The following KCNH8 variants were observed in gnomAD, a reference collection of about 807,000 sequenced individuals.
KCNH8 encodes the protein potassium voltage-gated channel subfamily H member 8, also known as voltage-gated delayed rectifier potassium channel KCNH8.
In KCNH8, 70 loss-of-function variants were observed where a neutral mutation model predicts 103.6. The observed-to-expected ratio is 0.68, with a 90% CI of 0.56 to 0.82. The LOEUF (loss-of-function observed/expected upper bound fraction) is 0.82. Among genes scored for constraint, KCNH8 ranks in the 40% least tolerant of loss-of-function variants. The probability of loss-of-function intolerance (pLI) is 0.00; values close to 1 mark genes in which losing one functional copy is unlikely to be tolerated. For synonymous variants in KCNH8, 498 were observed against 489.4 expected (o/e 1.02, Z -0.23); for missense variants, 1,217 against 1,329.9 (o/e 0.92, Z 1.32).
At chr3:19,443,409 C>T (rs1027103051) in intron 8 of KCNH8, among the ~76,000 whole-genome samples, 2 of 150,134 alleles carry the variant, frequency 1.3e-5, no homozygotes, top group Admixed American at 1.3e-4. Context: ...TACACACACA[C>T]ACATATATAT....
At chr3:19,366,067 A>C (rs1418583692) in intron 5 of KCNH8, among the ~76,000 whole-genome samples, 1 of 152,036 alleles carries the variant, frequency 6.6e-6, no homozygotes, top group Non-Finnish European at 1.5e-5. Flanking sequence ...TCCTTCGAGC[A>C]TTTTTGGTCA....
intron 5 of KCNH8, among the ~76,000 whole-genome samples, chr3:19,376,364 A>G (rs1406831030): frequency 6.6e-6 from 1 of 152,164 alleles, no homozygotes; most frequent in Admixed American, 6.5e-5. Flanking sequence ...CCGATTTTCC[A>G]GGTGCGTCTG....
intron 1 of KCNH8, among the ~76,000 whole-genome samples, chr3:19,184,530 G>A (rs1183677232): frequency 6.6e-6 from 1 of 151,870 alleles, no homozygotes; most frequent in African/African-American, 2.4e-5. Context: ...TAATAAGGCT[G>A]GCTGACAAAA....
intron 7 of KCNH8, among the ~76,000 whole-genome samples, chr3:19,409,696 CAA>C (rs2125146599): frequency 6.6e-6 from 1 of 152,134 alleles, no homozygotes; most frequent in Non-Finnish European, 1.5e-5. Context: ...AAACAAAAAA[CAA>C]AGAGTCGGAG....
intron 3 of KCNH8, among the ~76,000 whole-genome samples, chr3:19,320,768 T>G (rs966957004): frequency 3.3e-5 from 5 of 152,078 alleles, no homozygotes; most frequent in Admixed American, 3.3e-4. Context: ...CAATTCTTCT[T>G]TGAATGTCTA....
At chr3:19,464,596 A>C (rs181773774) in intron 11 of KCNH8, among the ~76,000 whole-genome samples, 4 of 152,196 alleles carry the variant, frequency 2.6e-5, no homozygotes, top group Non-Finnish European at 5.9e-5. Flanking sequence ...GGGAAGCTGA[A>C]GAATGGGAGA....
Position 19,513,325 on chromosome 3 carries a change from G to A in KCNH8, c.2435G>A (p.Arg812Lys). Residue 812 changes from arginine (R) to lysine (K), a missense_variant and splice_region_variant, in exon 13 of 16, where the codon AGG (arginine) becomes AAG (lysine). Physicochemically the swap from Arg to Lys is conservative, Grantham distance 26. Transcript: ENST00000328405. ...GCTGGACCCCCAGACCTCAGTCCAAGGTAAGAGTTCATATCATATAACTTT... is the reference window on the plus strand; with the variant it reads ...GCTGGACCCCCAGACCTCAGTCCAAAGTAAGAGTTCATATCATATAACTTT... ...NNAGPPDLSPRIVDGIEDGNS... is the reference protein window; with the variant it reads ...NNAGPPDLSPKIVDGIEDGNS... 1 of 1,585,356 alleles carries A rather than the reference G, an allele frequency of 6.3e-7. No individual in the cohort carries two copies. Among genetic ancestry groups the A allele is most frequent in the Non-Finnish European group, 8.6e-7 (1 of 1,168,192 alleles).
At chr3:19,358,196 CTTT>C (rs1245812480) in intron 5 of KCNH8, among the ~76,000 whole-genome samples, 1 of 142,370 alleles carries the variant, frequency 7.0e-6, no homozygotes, top group African/African-American at 2.7e-5. Flanking sequence ...TTCCTTCCTT[CTTT>C]TTTCTTTCTC....
intron 7 of KCNH8, among the ~76,000 whole-genome samples, chr3:19,424,714 A>G (rs567638578): frequency 2.9e-4 from 44 of 152,300 alleles, no homozygotes; most frequent in African/African-American, 1.0e-3. Flanking sequence ...CAAAGGACTA[A>G]TATTCAGAAT....
chr3:19,424,610 T>C (rs992143861), intron 7 of KCNH8, among the ~76,000 whole-genome samples: 2 of 151,884 alleles, frequency 1.3e-5, no homozygotes, highest in Non-Finnish European at 2.9e-5. Flanking sequence ...AATAAATAGA[T>C]TAGACCTCAT....
rs1451799373 is a variant in KCNH8 at position 19,535,184 on chromosome 3, C to G, written c.*1085C>G. On this transcript the variant is annotated 3_prime_UTR_variant, in exon 16 of 16. Coordinates refer to ENST00000328405, the MANE Select transcript of KCNH8 (RefSeq NM_144633.3). ...GAGAAAACCTGGGTGTGTCCTTTCC[C>G]AGTGCTTTTCTTTTACAAGAGGTAG... 1 of 152,172 alleles carries G rather than the reference C, an allele frequency of 6.6e-6. No homozygotes were observed. Among genetic ancestry groups the G allele is most frequent in the African/African-American group, 2.4e-5 (1 of 41,434 alleles). 9.4% of individuals were successfully genotyped at this position (152,172 alleles called of 1,614,324 possible).
At chr3:19,512,108 A>G (rs73034040) in intron 12 of KCNH8, among the ~76,000 whole-genome samples, 21,212 of 152,240 alleles carry the variant, frequency 0.14, 1,876 homozygotes, top group Middle Eastern at 0.26. Context: ...GAAGCACAGA[A>G]AAGTGAGCAG....
At chr3:19,281,902 T>C (rs2125274686) in intron 3 of KCNH8, among the ~76,000 whole-genome samples, 1 of 152,274 alleles carries the variant, frequency 6.6e-6, no homozygotes, top group Admixed American at 6.5e-5. Flanking sequence ...TTGTGTTGTT[T>C]ACCTTGTATC....
At chr3:19,182,968 A>AG (rs1256107045) in intron 1 of KCNH8, among the ~76,000 whole-genome samples, 1 of 152,252 alleles carries the variant, frequency 6.6e-6, no homozygotes, top group Admixed American at 6.5e-5. Flanking sequence ...TCTTGGATAC[A>AG]GAAAAAATTT....
At chr3:19,199,563 T>C (rs897445407) in intron 1 of KCNH8, among the ~76,000 whole-genome samples, 7 of 149,678 alleles carry the variant, frequency 4.7e-5, no homozygotes, top group African/African-American at 1.7e-4. Flanking sequence ...AATAACTATA[T>C]ATTTAAATTT....
chr3:19,212,436 T>C (rs1271124152), intron 1 of KCNH8, among the ~76,000 whole-genome samples: 1 of 152,220 alleles, frequency 6.6e-6, no homozygotes, highest in Non-Finnish European at 1.5e-5. Flanking sequence ...GTTGATGTCC[T>C]CTTTGGCCTT....
chr3:19,257,562 C>G (rs2125255780), intron 2 of KCNH8, among the ~76,000 whole-genome samples: 1 of 152,092 alleles, frequency 6.6e-6, no homozygotes, highest in South Asian at 2.1e-4. Context: ...GATGTACCAG[C>G]CTTAGCTTTT....
At chr3:19,235,089 G>A (rs1293764385) in intron 1 of KCNH8, among the ~76,000 whole-genome samples, 1 of 152,218 alleles carries the variant, frequency 6.6e-6, no homozygotes, top group Non-Finnish European at 1.5e-5. Flanking sequence ...GACGTTAGGA[G>A]AAATGTGCCA....
At chr3:19,194,908 TTG>T (rs1348131412) in intron 1 of KCNH8, among the ~76,000 whole-genome samples, 1 of 151,944 alleles carries the variant, frequency 6.6e-6, no homozygotes, top group African/African-American at 2.4e-5. Flanking sequence ...AAGGAATGGT[TTG>T]TTAAGAGGTG....
Sources: gnomAD v4.1 joint callset for allele counts (sites outside exome capture counted in the v4.1 genomes callset) on GRCh38, gnomAD v4.1.1 for gene constraint, MANE v1.5 for transcripts, NCBI Gene and HGNC (gene_info 2026-07-23, HGNC 2026-07-21) for gene names.